CFAP54: variants seen among roughly 807,000 people sequenced by gnomAD.
The protein encoded by CFAP54 is cilia and flagella associated protein 54.
Under a neutral mutation model 370.4 loss-of-function variants are expected in CFAP54, and 290 were observed. The ratio of observed to expected loss-of-function variants is 0.78; its 90% CI spans 0.71 to 0.86. The LOEUF (loss-of-function observed/expected upper bound fraction) is 0.86. Among genes scored for constraint, CFAP54 ranks in the 40% least tolerant of loss-of-function variants. The pLI, the probability that CFAP54 is intolerant of heterozygous loss-of-function variation, is 0.00. For missense variants in CFAP54, 3,399 were observed against 3,528.7 expected, an observed-to-expected ratio of 0.96 and a Z score of 0.93; for synonymous variants, 1,206 against 1,236.5, an observed-to-expected ratio of 0.98 and a Z score of 0.52.
At chr12:96,789,272 G>A (rs1335807507) in intron 62 of CFAP54, among the ~76,000 whole-genome samples, 2 of 152,216 alleles carry the variant, frequency 1.3e-5, no homozygotes, top group Non-Finnish European at 2.9e-5. Context: ...CAGCAATCGA[G>A]TAACACTCCC....
intron 20 of CFAP54, 69 bp from the exon 21 acceptor site, chr12:96,580,528 A>C (rs1035974869): frequency 9.9e-6 from 8 of 808,954 alleles, no homozygotes; most frequent in Non-Finnish European, 1.1e-5. Context: ...TTTATTTAGA[A>C]AAGTATTTTT....
intron 32 of CFAP54, among the ~76,000 whole-genome samples, chr12:96,640,217 C>T (rs940085364): frequency 3.9e-5 from 6 of 152,154 alleles, no homozygotes; most frequent in African/African-American, 1.4e-4. Context: ...AGCTGATAGG[C>T]AACTTCAGCA....
intron 55 of CFAP54, among the ~76,000 whole-genome samples, chr12:96,747,488 T>G (rs1023153912): frequency 2.0e-4 from 31 of 152,190 alleles, no homozygotes; most frequent in Non-Finnish European, 8.8e-5. Flanking sequence ...CTAATGAAAA[T>G]TAAGCATTTA....
At chr12:96,592,808 A>T (rs1440103107) in intron 24 of CFAP54, among the ~76,000 whole-genome samples, 171 bp downstream of exon 24, 2 of 152,086 alleles carry the variant, frequency 1.3e-5, no homozygotes, top group African/African-American at 4.8e-5. Flanking sequence ...CACAGGCCTG[A>T]GTTCATGTTT....
intron 32 of CFAP54, among the ~76,000 whole-genome samples, chr12:96,632,488 C>T (rs1239690885): frequency 6.6e-6 from 1 of 151,842 alleles, no homozygotes; most frequent in Admixed American, 6.6e-5. Context: ...TTCAGTTGGC[C>T]GGCACAATTT....
intron 64 of CFAP54, among the ~76,000 whole-genome samples, chr12:96,816,780 A>C (rs1379315102): frequency 6.6e-6 from 1 of 152,240 alleles, no homozygotes; most frequent in Non-Finnish European, 1.5e-5. Context: ...GGGGCCATGC[A>C]GGTGGCTGTT....
At position 96,664,778 on chromosome 12, in the gene CFAP54, T is replaced by G. The variant is rs1565934486; in HGVS notation, c.5563+846T>G. On this transcript the variant is annotated intron_variant, in intron 39 of 67. Coordinates refer to ENST00000524981, the MANE Select transcript of CFAP54 (RefSeq NM_001306084.2). The stretch of plus-strand genomic sequence containing the variant: ...ATCTATATATATCTATATCTATATC[T>G]ATATATATATATATATATATATATA... Among the ~76,000 whole-genome samples, 84 of 34,036 alleles carry G rather than the reference T, an allele frequency of 2.5e-3. 1 individual carries two copies. The highest frequency in any genetic ancestry group is 7.6e-3 in the African/African-American group (77 of 10,158). The allele number at this position is 34,036 out of a possible 152,430, so 22.3% of individuals were successfully genotyped here.
At chr12:96,493,294 G>T (rs1333119554) in intron 1 of CFAP54, among the ~76,000 whole-genome samples, 1 of 152,214 alleles carries the variant, frequency 6.6e-6, no homozygotes, top group East Asian at 1.9e-4. Context: ...GGAGCTTATA[G>T]TCTAGAGAGG....
chr12:96,715,197 A>G (rs1957662142), intron 48 of CFAP54, among the ~76,000 whole-genome samples: 1 of 152,192 alleles, frequency 6.6e-6, no homozygotes, highest in Non-Finnish European at 1.5e-5. Flanking sequence ...GGGCAGATGG[A>G]CTAGGGAAAT....
At chr12:96,719,828 A>C (rs777959565) in intron 49 of CFAP54, among the ~76,000 whole-genome samples, 12 of 152,232 alleles carry the variant, frequency 7.9e-5, no homozygotes, top group Non-Finnish European at 1.5e-4. Context: ...CATAGTGCTG[A>C]AGTGCTGTGG....
At chr12:96,589,601 A>G in intron 23 of CFAP54, 38 bp downstream of exon 23, 3 of 1,257,314 alleles carry the variant, frequency 2.4e-6, no homozygotes, top group South Asian at 1.4e-5. Flanking sequence ...TAATTTGCTT[A>G]TTGAAAATAT....
intron 38 of CFAP54, among the ~76,000 whole-genome samples, chr12:96,659,733 C>G (rs1261408291): frequency 6.6e-6 from 1 of 152,156 alleles, no homozygotes; most frequent in African/African-American, 2.4e-5. Flanking sequence ...CAATCAGACC[C>G]ATTGCATACA....
chr12:96,509,685 G>C lies in CFAP54; in HGVS notation c.739+2586G>C, dbSNP rs149337623. Among the ~76,000 whole-genome samples, 524 of 152,006 alleles carry C rather than the reference G, an allele frequency of 3.4e-3. 2 individuals are homozygous for C. The highest frequency in any genetic ancestry group is 0.012 in the African/African-American group (497 of 41,466). Reference sequence around the variant, plus strand: ...ACAAAAATTATCCGGGTGTGGTGGTGCATGCCTGTAATCCCAGTTACTCAG... The same window carrying C: ...ACAAAAATTATCCGGGTGTGGTGGTCCATGCCTGTAATCCCAGTTACTCAG... On this transcript the variant is annotated intron_variant, in intron 4 of 67. Coordinates refer to ENST00000524981, the MANE Select transcript of CFAP54 (RefSeq NM_001306084.2).
At chr12:96,550,441 G>T (rs766668632) in intron 15 of CFAP54, among the ~76,000 whole-genome samples, 56 of 152,170 alleles carry the variant, frequency 3.7e-4, no homozygotes, top group Non-Finnish European at 6.8e-4. Context: ...GCCAGGCATT[G>T]TGGTGCCTGC....
chr12:96,550,343 G>A (rs990093929), intron 15 of CFAP54, among the ~76,000 whole-genome samples: 6 of 152,144 alleles, frequency 3.9e-5, no homozygotes, highest in African/African-American at 1.2e-4. Context: ...TTGGAAGGCC[G>A]AGGTGGGCAG....
intron 47 of CFAP54, among the ~76,000 whole-genome samples, chr12:96,707,049 G>A (rs775675631): frequency 3.4e-4 from 51 of 151,034 alleles, no homozygotes; most frequent in Non-Finnish European, 4.9e-4. Flanking sequence ...GAAGAGCACT[G>A]AGTTCCAGGA....
At chr12:96,529,510 T>C (rs1189016382) in intron 9 of CFAP54, among the ~76,000 whole-genome samples, 1 of 152,216 alleles carries the variant, frequency 6.6e-6, no homozygotes, top group East Asian at 1.9e-4. Flanking sequence ...AAATTTTCTC[T>C]GACACTTAGT....
intron 13 of CFAP54, 97 bp downstream of exon 13, chr12:96,538,615 T>G (rs2136385496): frequency 1.6e-6 from 2 of 1,245,578 alleles, no homozygotes; most frequent in East Asian, 2.5e-5. Context: ...ATTTTTCACC[T>G]GGTTAATGAC....
chr12:96,800,097 A>G (rs988487176), intron 63 of CFAP54, among the ~76,000 whole-genome samples: 3 of 152,216 alleles, frequency 2.0e-5, no homozygotes, highest in Admixed American at 1.3e-4. Flanking sequence ...AAAAAGAGGA[A>G]GAAAGCATAA....
Sources: gnomAD v4.1 joint callset for allele counts (sites outside exome capture counted in the v4.1 genomes callset) on GRCh38, gnomAD v4.1.1 for gene constraint, MANE v1.5 for transcripts, NCBI Gene and HGNC (gene_info 2026-07-23, HGNC 2026-07-21) for gene names.